Variants in FGD1 observed in about 807,000 individuals in gnomAD.
FGD1 encodes FYVE, RhoGEF and PH domain-containing protein 1.
A neutral mutation model predicts 65.0 loss-of-function variants in FGD1; 12 were observed. That is an observed-to-expected ratio of 0.18 (90% CI 0.12 to 0.30). FGD1 has a LOEUF of 0.30. Among genes scored for constraint, FGD1 ranks in the 10% least tolerant of loss-of-function variants. FGD1 has a pLI of 1.00. For missense variants in FGD1, 542 were observed against 837.6 expected (o/e 0.65, Z 4.36); for synonymous variants, 333 against 343.9 (o/e 0.97, Z 0.35).
intron 1 of FGD1, among the ~76,000 whole-genome samples, chrX:54,490,316 T>C (rs1243733378): frequency 9.0e-6 from 1 of 111,283 alleles, no homozygotes; most frequent in Non-Finnish European, 1.9e-5. Context: ...AACTTGCACA[T>C]GTACCCCTGA....
At chrX:54,475,274 C>A (rs888431577) in intron 1 of FGD1, among the ~76,000 whole-genome samples, 14 of 112,551 alleles carry the variant, frequency 1.2e-4, no homozygotes, top group African/African-American at 4.5e-4. Context: ...GAGAGAGAGG[C>A]AGTGACTTGC....
intron 17 of FGD1, 23 bp from the exon 18 acceptor site, chrX:54,446,437 T>C: frequency 1.7e-6 from 2 of 1,194,705 alleles, no homozygotes; most frequent in Non-Finnish European, 2.3e-6. Context: ...GGGACAGAGC[T>C]GGGGCCACCT....
chrX:54,445,825 T>G lies in FGD1; in HGVS notation c.*284A>C. ...GGATCTGTGGTAGGGTATTGAGGGA[T>G]GAGGGAGAAAAACGACCTAATTCAG... On this transcript the variant is annotated 3_prime_UTR_variant, in exon 18 of 18. Coordinates refer to ENST00000375135, the MANE Select transcript of FGD1 (RefSeq NM_004463.3). 6.3e-6 allele frequency: 2 copies of G among 318,839 alleles called. No homozygotes were observed. Among genetic ancestry groups the G allele is most frequent in the Non-Finnish European group, 1.1e-5 (2 of 185,474 alleles). The allele number at this position is 318,839 out of a possible 1,213,427, so 26.3% of individuals were successfully genotyped here.
At chrX:54,446,881 G>A (rs1922211876) in intron 17 of FGD1, among the ~76,000 whole-genome samples, 1 of 109,374 alleles carries the variant, frequency 9.1e-6, no homozygotes, top group Non-Finnish European at 1.9e-5. Context: ...ACGTCACCAC[G>A]CCAGGCTAAT....
At chrX:54,468,701 TGG>T in intron 5 of FGD1, 84 bp downstream of exon 5, 5 of 624,197 alleles carry the variant, frequency 8.0e-6, no homozygotes, top group Non-Finnish European at 1.3e-5. Flanking sequence ...GCCACAATGG[TGG>T]GATTGAACTC....
intron 1 of FGD1, among the ~76,000 whole-genome samples, chrX:54,494,185 C>T (rs182593984): frequency 6.1e-4 from 68 of 111,788 alleles, no homozygotes; most frequent in African/African-American, 2.1e-3. Flanking sequence ...CCTCGTGGAC[C>T]TGCAGCTCTC....
At position 54,446,344 on chromosome X, in the gene FGD1, G is replaced by C. The variant is rs1355130799; in HGVS notation, c.2651C>G (p.Pro884Arg). The C allele has an allele frequency of 8.3e-7, 1 of 1,211,148 alleles. No individual in the cohort carries two copies. Among genetic ancestry groups the C allele is most frequent in the Admixed American group, 2.2e-5 (1 of 46,032 alleles). Reference protein sequence around the residue: ...EVGPPEAGERPDRRHVFKITQ... With the variant: ...EVGPPEAGERRDRRHVFKITQ... ...GATCTTGAAGACATGCCTTCTGTCA[G>C]GCCGCTCCCCTGCCTCGGGCGGTCC... The change falls in exon 18 of 18, where the codon CCT becomes CGT. Residue 884 changes from proline to arginine, a missense_variant. Around this residue, in one of 6 missense-constraint regions of FGD1, gnomAD observed 182 missense variants for 311.4 expected, o/e 0.58. Transcript: ENST00000375135.
intron 14 of FGD1, 92 bp from the exon 15 acceptor site, chrX:54,449,360 T>G (rs764649031): frequency 6.4e-6 from 7 of 1,095,642 alleles, no homozygotes; most frequent in Middle Eastern, 2.6e-4. Flanking sequence ...TGGATTATCA[T>G]GGGGTGGGGA....
intron 1 of FGD1, among the ~76,000 whole-genome samples, chrX:54,489,259 T>C (rs1923360295): frequency 8.9e-6 from 1 of 112,540 alleles, no homozygotes; most frequent in Non-Finnish European, 1.9e-5. Context: ...AAAGAAGACA[T>C]ACATGTGGCC....
intron 12 of FGD1, among the ~76,000 whole-genome samples, chrX:54,451,778 A>C (rs772412302): frequency 9.3e-6 from 1 of 107,540 alleles, no homozygotes; most frequent in Non-Finnish European, 1.9e-5. Flanking sequence ...AATCCCAGCT[A>C]CTTGTGAGGC....
chrX:54,461,331 G>A (rs1304931208), intron 8 of FGD1, among the ~76,000 whole-genome samples: 8 of 109,754 alleles, frequency 7.3e-5, no homozygotes, highest in Non-Finnish European at 1.3e-4. Context: ...GGCCGGGCAC[G>A]GTGGCTCATG....
At chrX:54,463,694 C>A in intron 8 of FGD1, among the ~76,000 whole-genome samples, 1 of 111,832 alleles carries the variant, frequency 8.9e-6, no homozygotes, top group Non-Finnish European at 1.9e-5. Flanking sequence ...TCTTCCTGAT[C>A]CAGAGATATG....
chrX:54,455,756 G>T lies in FGD1; in HGVS notation c.1871C>A (p.Pro624His). Residue 624 changes from proline (P) to histidine (H), a missense_variant, in exon 11 of 18, where the codon CCC becomes CAC. Around this residue, in one of 6 missense-constraint regions of FGD1, gnomAD observed 182 missense variants for 311.4 expected, o/e 0.58. Coordinates refer to ENST00000375135, the MANE Select transcript of FGD1 (RefSeq NM_004463.3). ...LFNDRLLYCV[P>H]RLRLLGQKFS... ...CTTCTGGCCAAGGAGCCGCAGCCTG[G>T]GCACGCAGTAAAGGAGGCGGTCGTT... The T allele has an allele frequency of 8.4e-7, 1 of 1,186,961 alleles. No individual in the cohort carries two copies. Among genetic ancestry groups the T allele is most frequent in the South Asian group, 1.8e-5 (1 of 54,065 alleles).
chrX:54,465,636 C>G (rs757181660), intron 7 of FGD1, 47 bp from the exon 8 acceptor site: 1 of 1,210,810 alleles, frequency 8.3e-7, no homozygotes, highest in Non-Finnish European at 1.1e-6. Flanking sequence ...TGCAGATGCC[C>G]CACCACATCC....
chrX:54,452,581 A>G (rs1225335607), intron 12 of FGD1, among the ~76,000 whole-genome samples: 1 of 110,197 alleles, frequency 9.1e-6, no homozygotes, highest in Non-Finnish European at 1.9e-5. Context: ...CCCCGTCTCT[A>G]CTAAAAATGC....
In FGD1 at chrX:54,470,207, C is replaced by G; in HGVS notation, c.910G>C (p.Gly304Arg). The G allele has an allele frequency of 3.3e-6, 4 of 1,207,562 alleles. No homozygotes were observed. The highest frequency in any genetic ancestry group is 4.5e-6 in the Non-Finnish European group (4 of 893,360). Residue 304 changes from glycine (G) to arginine (R), a missense_variant, in exon 4 of 18, where the codon GGG becomes CGG. This residue lies in a region of FGD1 where 297 missense variants were observed against 326.8 expected (regional missense o/e 0.91). Coordinates refer to ENST00000375135, the MANE Select transcript of FGD1 (RefSeq NM_004463.3). ...GGGCAGAGGCTGTGGCTGGGGGGCC[C>G]GTCATCACTGACGAAGCAGGTCTCC... is the stretch of plus-strand genomic sequence containing the variant. ...SEETCFVSDD[G>R]PPSHSLCPGP... is the part of the protein sequence containing the mutation.
Position 54,449,651 on chromosome X carries a change from A to G in FGD1, c.2148+8T>C. On this transcript the variant is annotated splice_region_variant and intron_variant, in intron 14 of 17. Coordinates refer to ENST00000375135, the MANE Select transcript of FGD1 (RefSeq NM_004463.3). ...CCAGTGCAGGGGAAAGAGGGCGGGG[A>G]CTCTTACTGGAGAGTTGGGTGGGGT... 8.8e-7 allele frequency: 1 copy of G among 1,139,914 alleles called. No individual in the cohort carries two copies. Among genetic ancestry groups the G allele is most frequent in the Non-Finnish European group, 1.2e-6 (1 of 835,937 alleles). The allele number at this position is 1,139,914 out of a possible 1,213,427, so 93.9% of individuals were successfully genotyped here.
rs1922504244 is a variant in FGD1, at chrX:54,456,435, G to A, written c.1696-69C>T. On this transcript the variant is annotated intron_variant, in intron 9 of 17. Transcript: ENST00000375135. ...CTCCTGTCAGATGCCCACAAGTCAC[G>A]ACACCCCCACTCCAGGATGGAGACA... The A allele has an allele frequency of 3.6e-5, 43 of 1,205,148 alleles. No individual in the cohort carries two copies. The South Asian group carries it at 6.4e-4, about 18-fold the overall frequency.
At position 54,445,961 on chromosome X, in the gene FGD1, A is replaced by G; in HGVS notation, c.*148T>C. ...CCACGTTTTGTGAAAAGATGAATTA[A>G]AAAACCCAAGACCCAGCATTCGGGA... On this transcript the variant is annotated 3_prime_UTR_variant, in exon 18 of 18. Coordinates refer to ENST00000375135, the MANE Select transcript of FGD1 (RefSeq NM_004463.3). The G allele has an allele frequency of 2.2e-6, 1 of 453,822 alleles. No individual in the cohort carries two copies. Among genetic ancestry groups the G allele is most frequent in the Non-Finnish European group, 3.8e-6 (1 of 264,498 alleles). 37.4% of individuals were successfully genotyped at this position (453,822 alleles called of 1,213,427 possible). A position where few individuals can be genotyped will look rare whatever the true frequency, so the allele number is the denominator to read the frequency against.
Sources: gnomAD v4.1 joint callset for allele counts (sites outside exome capture counted in the v4.1 genomes callset) on GRCh38, gnomAD v4.1.1 for gene constraint, gnomAD v4.1.1 regional missense constraint, MANE v1.5 for transcripts, NCBI Gene and HGNC (gene_info 2026-07-23, HGNC 2026-07-21) for gene names.